NRG3: variants seen among roughly 807,000 people sequenced by gnomAD.
NRG3 encodes the protein neuregulin 3.
In NRG3, 31 loss-of-function variants were observed where a neutral mutation model predicts 66.9. The ratio of observed to expected loss-of-function variants is 0.46; its 90% confidence interval spans 0.35 to 0.63. The LOEUF (loss-of-function observed/expected upper bound fraction) is 0.63. Among genes scored for constraint, NRG3 ranks in the 20% least tolerant of loss-of-function variants. The pLI is 0.00. For synonymous variants in NRG3, 393 were observed against 359.4 expected, an observed-to-expected ratio of 1.09 and a Z score of -1.06; for missense variants, 910 against 878.9, an observed-to-expected ratio of 1.04 and a Z score of -0.45.
At chr10:81,884,684 A>G (rs903806799) in intron 1 of NRG3, among the ~76,000 whole-genome samples, 3 of 152,190 alleles carry the variant, frequency 2.0e-5, no homozygotes, top group Admixed American at 6.5e-5. Flanking sequence ...TGCAAATACC[A>G]GGCCATTTTA....
chr10:82,561,775 A>G (rs1004133117), intron 2 of NRG3, among the ~76,000 whole-genome samples: 2 of 152,202 alleles, frequency 1.3e-5, no homozygotes, highest in African/African-American at 2.4e-5. Flanking sequence ...TCTCTGTCTC[A>G]TGCAGACTTG....
At chr10:82,865,667 G>A (rs542374225) in intron 4 of NRG3, among the ~76,000 whole-genome samples, 1 of 152,246 alleles carries the variant, frequency 6.6e-6, no homozygotes, top group African/African-American at 2.4e-5. Context: ...GAATCATACA[G>A]AAGTTGTATT....
At chr10:82,364,300 A>G (rs1447581291) in intron 2 of NRG3, among the ~76,000 whole-genome samples, 1 of 152,188 alleles carries the variant, frequency 6.6e-6, no homozygotes, top group African/African-American at 2.4e-5. Context: ...ATTCATTGAT[A>G]CTTTTTATAA....
chr10:82,307,938 C>G (rs1203977514), intron 1 of NRG3, among the ~76,000 whole-genome samples: 1 of 151,524 alleles, frequency 6.6e-6, no homozygotes, highest in Non-Finnish European at 1.5e-5. Context: ...ATTATGAATT[C>G]TTAGCTAAAC....
At chr10:82,869,020 A>G (rs996267476) in intron 4 of NRG3, among the ~76,000 whole-genome samples, 25 of 152,126 alleles carry the variant, frequency 1.6e-4, no homozygotes, top group Non-Finnish European at 2.9e-4. Context: ...TAGAATCCAT[A>G]TGGGTAAAAT....
chr10:82,789,837 A>G (rs1419414297), intron 3 of NRG3, among the ~76,000 whole-genome samples: 1 of 151,150 alleles, frequency 6.6e-6, no homozygotes, highest in Non-Finnish European at 1.5e-5. Context: ...TTTTTTAACG[A>G]TGTAATTTTA....
chr10:82,318,880 A>G (rs2081421828), intron 1 of NRG3, among the ~76,000 whole-genome samples: 1 of 152,190 alleles, frequency 6.6e-6, no homozygotes, highest in Non-Finnish European at 1.5e-5. Flanking sequence ...ATATTTGCCG[A>G]ATGAGTGAAA....
chr10:82,524,954 G>GATA (rs1846545499), intron 2 of NRG3, among the ~76,000 whole-genome samples: 1 of 151,752 alleles, frequency 6.6e-6, no homozygotes, highest in Non-Finnish European at 1.5e-5. Context: ...TATTCACAGT[G>GATA]ATAGATCTTT....
chr10:82,530,831 C>T (rs577374258), intron 2 of NRG3, among the ~76,000 whole-genome samples: 12 of 151,620 alleles, frequency 7.9e-5, no homozygotes, highest in African/African-American at 1.7e-4. Context: ...TGTTTTTAAT[C>T]GAATGAGTTT....
At chr10:82,240,668 A>C (rs1009950751) in intron 1 of NRG3, among the ~76,000 whole-genome samples, 3 of 152,184 alleles carry the variant, frequency 2.0e-5, no homozygotes, top group Non-Finnish European at 1.5e-5. Flanking sequence ...TTCCAGAATA[A>C]ATAGGCTATT....
At chr10:82,876,478 A>G (rs1303763413) in intron 4 of NRG3, among the ~76,000 whole-genome samples, 1 of 151,942 alleles carries the variant, frequency 6.6e-6, no homozygotes, top group African/African-American at 2.4e-5. Flanking sequence ...ACATTTACCA[A>G]ATTATTGAAC....
chr10:82,029,768 A>G (rs1293797639), intron 1 of NRG3, among the ~76,000 whole-genome samples: 1 of 152,100 alleles, frequency 6.6e-6, no homozygotes, highest in Non-Finnish European at 1.5e-5. Flanking sequence ...GAAGATGGTA[A>G]CCTTTACCTA....
intron 2 of NRG3, among the ~76,000 whole-genome samples, chr10:82,589,749 T>C (rs945929151): frequency 2.6e-5 from 4 of 152,216 alleles, no homozygotes; most frequent in African/African-American, 4.8e-5. Flanking sequence ...GCACTCACAC[T>C]ACCACAGGAT....
At chr10:82,304,321 A>G (rs2080586571) in intron 1 of NRG3, among the ~76,000 whole-genome samples, 1 of 152,072 alleles carries the variant, frequency 6.6e-6, no homozygotes, top group Non-Finnish European at 1.5e-5. Context: ...TTCTTAGCCC[A>G]TATATTTTCT....
intron 2 of NRG3, among the ~76,000 whole-genome samples, chr10:82,624,815 T>C (rs2049297187): frequency 6.8e-6 from 1 of 147,792 alleles, no homozygotes. Flanking sequence ...TAATAGAATG[T>C]TTAATAAATC....
intron 2 of NRG3, among the ~76,000 whole-genome samples, chr10:82,401,637 A>G (rs942147635): frequency 1.3e-5 from 2 of 152,062 alleles, no homozygotes; most frequent in Non-Finnish European, 2.9e-5. Context: ...TGTTAGTAAA[A>G]TTTTTAATAA....
At chr10:82,501,567 C>G (rs1031021780) in intron 2 of NRG3, among the ~76,000 whole-genome samples, 3 of 152,102 alleles carry the variant, frequency 2.0e-5, no homozygotes, top group African/African-American at 7.2e-5. Context: ...CAAGTGTTAT[C>G]TGGCTTACTT....
intron 1 of NRG3, among the ~76,000 whole-genome samples, chr10:82,198,602 G>A (rs1458469254): frequency 6.6e-6 from 1 of 152,132 alleles, no homozygotes; most frequent in Non-Finnish European, 1.5e-5. Flanking sequence ...GTTTAAAAAA[G>A]TGTTGTTTCA....
At chr10:82,379,090 A>G (rs2085445641) in intron 2 of NRG3, among the ~76,000 whole-genome samples, 1 of 152,154 alleles carries the variant, frequency 6.6e-6, no homozygotes, top group African/African-American at 2.4e-5. Flanking sequence ...CTGCACCCAA[A>G]GGAGTGTTTC....
Sources: gnomAD v4.1 joint callset for allele counts (sites outside exome capture counted in the v4.1 genomes callset) on GRCh38, gnomAD v4.1.1 for gene constraint, MANE v1.5 for transcripts, NCBI Gene and HGNC (gene_info 2026-07-23, HGNC 2026-07-21) for gene names.